CDH2: variants seen among roughly 807,000 people sequenced by gnomAD.
CDH2 encodes cadherin-2.
A neutral mutation model predicts 92.0 loss-of-function variants in CDH2; 17 were observed. The ratio of observed to expected loss-of-function variants is 0.18; its 90% CI spans 0.13 to 0.28. The LOEUF is 0.28. Ranked by LOEUF, CDH2 falls within the 10% of genes least tolerant of loss-of-function variation. CDH2 has a pLI of 1.00. For missense variants in CDH2, 862 were observed against 1,133.1 expected (o/e 0.76, Z 3.44); for synonymous variants, 419 against 415.9 (o/e 1.01, Z -0.09).
chr18:28,027,800 C>A (rs557553752), intron 2 of CDH2, among the ~76,000 whole-genome samples: 24 of 151,504 alleles, frequency 1.6e-4, no homozygotes, highest in African/African-American at 5.6e-4. Flanking sequence ...TGACAGAATC[C>A]AGCTAAAAAT....
At chr18:27,969,734 T>C (rs2011611091) in intron 14 of CDH2, among the ~76,000 whole-genome samples, 1 of 152,196 alleles carries the variant, frequency 6.6e-6, no homozygotes, top group East Asian at 1.9e-4. Context: ...CAGCTCAGCT[T>C]GGCCGGGTGC....
intron 2 of CDH2, among the ~76,000 whole-genome samples, chr18:28,093,773 C>T (rs1264784844): frequency 6.6e-6 from 1 of 152,146 alleles, no homozygotes; most frequent in East Asian, 1.9e-4. Context: ...CTAGTAGTAA[C>T]TTGTACATGT....
intron 10 of CDH2, 40 bp from the exon 11 acceptor site, chr18:27,988,706 C>T: frequency 2.0e-6 from 3 of 1,471,194 alleles, no homozygotes; most frequent in Non-Finnish European, 2.8e-6. Context: ...TTTTATGAAA[C>T]TTTAAAAAAA....
intron 2 of CDH2, among the ~76,000 whole-genome samples, chr18:28,048,508 C>T (rs1049064467): frequency 5.3e-5 from 8 of 152,178 alleles, no homozygotes; most frequent in Admixed American, 2.0e-4. Context: ...TAACTGTATT[C>T]GATACGTTTT....
In CDH2 at chr18:28,147,798, A is replaced by G. The variant is rs1192420471; in HGVS notation, c.61-14T>C. ...CTCTACAGACGCCTGCAACACAAGAAAAAAAAAAAAAATGTGTGCAATGAT... is the reference window on the plus strand; with the variant it reads ...CTCTACAGACGCCTGCAACACAAGAGAAAAAAAAAAAATGTGTGCAATGAT... On this transcript the variant is annotated splice_polypyrimidine_tract_variant and intron_variant, in intron 1 of 15. Transcript: ENST00000269141. 4 of 1,165,112 alleles carry G rather than the reference A, an allele frequency of 3.4e-6. No homozygotes were observed. The highest frequency in any genetic ancestry group is 3.3e-5 in the African/African-American group (2 of 59,934). 72.2% of individuals were successfully genotyped at this position (1,165,112 alleles called of 1,614,324 possible).
chr18:27,939,306 T>G (rs1909084842), intron 6 of CDH2, among the ~76,000 whole-genome samples: 2 of 152,158 alleles, frequency 1.3e-5, no homozygotes, highest in Admixed American at 1.3e-4. Context: ...AAGAGCTACA[T>G]TACTTCTATT....
chr18:28,058,544 G>A (rs900395280), intron 2 of CDH2, among the ~76,000 whole-genome samples: 1 of 152,138 alleles, frequency 6.6e-6, no homozygotes, highest in African/African-American at 2.4e-5. Flanking sequence ...CCTGGATGGT[G>A]TTTTCTAAGA....
Position 28,124,485 on chromosome 18 carries a change from G to A in CDH2, c.172+23188C>T, listed in dbSNP as rs976305766. 8.5e-5 allele frequency among the ~76,000 whole-genome samples: 13 copies of A among 152,074 alleles called. No homozygotes were observed. In the South Asian group the frequency reaches 2.3e-3, roughly 27 times the overall value. On this transcript the variant is annotated intron_variant, in intron 2 of 15. Transcript: ENST00000269141. ...GCACCCATTTTTACACATTCAAAGC[G>A]TTCTCAATTTTAAAACAAACAAAAA...
At chr18:28,099,020 G>A (rs2015184584) in intron 2 of CDH2, among the ~76,000 whole-genome samples, 1 of 152,046 alleles carries the variant, frequency 6.6e-6, no homozygotes, top group Non-Finnish European at 1.5e-5. Flanking sequence ...TCTCTCCATG[G>A]AGTAACTAAG....
At chr18:28,088,695 G>T (rs1215104417) in intron 2 of CDH2, among the ~76,000 whole-genome samples, 2 of 152,108 alleles carry the variant, frequency 1.3e-5, no homozygotes, top group Non-Finnish European at 2.9e-5. Context: ...ACCTGCAGGG[G>T]TTTTAAAGGG....
intron 2 of CDH2, among the ~76,000 whole-genome samples, chr18:28,103,003 T>C (rs1353346657): frequency 6.6e-6 from 1 of 151,742 alleles, no homozygotes; most frequent in Non-Finnish European, 1.5e-5. Flanking sequence ...AGCCTATTAT[T>C]TGCCTATAAA....
intron 6 of CDH2, among the ~76,000 whole-genome samples, chr18:27,936,214 A>C (rs1909015322): frequency 6.6e-6 from 1 of 152,192 alleles, no homozygotes; most frequent in African/African-American, 2.4e-5. Context: ...CATTCTACAA[A>C]GGTCTTTTAT....
intron 2 of CDH2, among the ~76,000 whole-genome samples, chr18:28,032,627 A>G (rs1315143113): frequency 6.6e-6 from 1 of 152,156 alleles, no homozygotes; most frequent in Non-Finnish European, 1.5e-5. Context: ...TTTGGATATC[A>G]TCTATAATGA....
chr18:28,067,231 C>T (rs1476058473), intron 2 of CDH2, among the ~76,000 whole-genome samples: 2 of 152,108 alleles, frequency 1.3e-5, no homozygotes, highest in African/African-American at 4.8e-5. Flanking sequence ...TTCACATATA[C>T]AATTCACTCA....
intron 7 of CDH2, among the ~76,000 whole-genome samples, chr18:27,995,771 A>G (rs964567007): frequency 6.6e-6 from 1 of 152,156 alleles, no homozygotes; most frequent in East Asian, 1.9e-4. Context: ...ACAAAAGGAC[A>G]CTTGTTATTT....
intron 15 of CDH2, among the ~76,000 whole-genome samples, chr18:27,959,052 T>C (rs1369257682): frequency 6.6e-6 from 1 of 152,126 alleles, no homozygotes; most frequent in Non-Finnish European, 1.5e-5. Context: ...TACACGTATA[T>C]ATATAAAGAA....
intron 14 of CDH2, among the ~76,000 whole-genome samples, chr18:27,973,474 C>T (rs754358238): frequency 6.6e-6 from 1 of 152,050 alleles, no homozygotes; most frequent in Admixed American, 6.5e-5. Context: ...TTTGGTGAAC[C>T]TTACATTCCG....
chr18:28,090,861 T>A (rs2015023790), intron 2 of CDH2, among the ~76,000 whole-genome samples: 1 of 152,144 alleles, frequency 6.6e-6, no homozygotes, highest in South Asian at 2.1e-4. Flanking sequence ...GAAAAAATAA[T>A]CCTTTTATTC....
intron 2 of CDH2, among the ~76,000 whole-genome samples, chr18:28,061,759 T>G (rs939604251): frequency 5.3e-5 from 8 of 152,212 alleles, no homozygotes; most frequent in African/African-American, 1.9e-4. Flanking sequence ...CTCACAATCA[T>G]GGCAGAAGGC....
Sources: allele counts gnomAD v4.1 joint callset (sites outside exome capture counted in the v4.1 genomes callset), GRCh38; gene constraint gnomAD v4.1.1; transcripts MANE v1.5; gene names NCBI Gene and HGNC (gene_info 2026-07-23, HGNC 2026-07-21).